GPBP1: variants seen among roughly 807,000 people sequenced by gnomAD.
The protein encoded by GPBP1 is GC-rich promoter binding protein 1, also known as vasculin.
GPBP1 carries 13 observed loss-of-function variants against 56.5 expected under a neutral mutation model. The ratio of observed to expected loss-of-function variants is 0.23; its 90% confidence interval spans 0.15 to 0.37. The LOEUF is 0.37. Ranked by LOEUF, GPBP1 falls within the 10% of genes least tolerant of loss-of-function variation. The pLI is 1.00. For synonymous variants in GPBP1, 204 were observed against 188.9 expected (o/e 1.08, Z -0.66); for missense variants, 477 against 572.3 (o/e 0.83, Z 1.70).
chr5:57,181,655 T>G (rs1480802289), intron 2 of GPBP1, among the ~76,000 whole-genome samples: 1 of 152,044 alleles, frequency 6.6e-6, no homozygotes, highest in African/African-American at 2.4e-5. Context: ...ACTCCTGACC[T>G]CAGGTGTTCT....
intron 3 of GPBP1, among the ~76,000 whole-genome samples, chr5:57,222,987 T>C (rs781099447): frequency 6.6e-6 from 1 of 152,344 alleles, no homozygotes; most frequent in East Asian, 1.9e-4. Context: ...AGTGTATTTC[T>C]TAGTGATTTA....
chr5:57,193,627 A>AAC (rs1754622700), intron 2 of GPBP1, among the ~76,000 whole-genome samples: 1 of 151,422 alleles, frequency 6.6e-6, no homozygotes, highest in African/African-American at 2.4e-5. Context: ...AAAAAAAAAA[A>AAC]AAAAAAAAAC....
At chr5:57,243,860 A>T (rs1015687363) in intron 6 of GPBP1, among the ~76,000 whole-genome samples, 4 of 150,426 alleles carry the variant, frequency 2.7e-5, no homozygotes, top group South Asian at 2.1e-4. Flanking sequence ...AATTGAAAAA[A>T]TTTTTTTTTG....
rs192359529 is a variant in GPBP1, at chr5:57,236,188, G to A, written c.478+156G>A. 3.8e-3 allele frequency among the ~76,000 whole-genome samples: 575 copies of A among 152,164 alleles called. 6 individuals carry two copies. Among genetic ancestry groups the A allele is most frequent in the African/African-American group, 0.013 (533 of 41,524 alleles). ...CTTAGCTACAAAAAAGGTAACATTCGTCTTTAAAAAGGAGGATTGGAATAG... is the reference window on the plus strand; with the variant it reads ...CTTAGCTACAAAAAAGGTAACATTCATCTTTAAAAAGGAGGATTGGAATAG... On this transcript the variant is annotated intron_variant, in intron 6 of 11. Transcript: ENST00000506184.
intron 3 of GPBP1, among the ~76,000 whole-genome samples, chr5:57,225,508 A>AAACC (rs1554069043): frequency 1.6e-5 from 2 of 123,632 alleles, no homozygotes; most frequent in East Asian, 2.7e-4. Context: ...AAAAAAAAAA[A>AAACC]AAACAAACTG....
At chr5:57,202,392 G>A (rs573518490) in intron 2 of GPBP1, among the ~76,000 whole-genome samples, 1 of 152,080 alleles carries the variant, frequency 6.6e-6, no homozygotes, top group Non-Finnish European at 1.5e-5. Flanking sequence ...AGGTTGAAGT[G>A]ATTCACCTGC....
At chr5:57,232,904 T>C (rs1305829140) in intron 5 of GPBP1, among the ~76,000 whole-genome samples, 1 of 152,230 alleles carries the variant, frequency 6.6e-6, no homozygotes, top group Non-Finnish European at 1.5e-5. Context: ...AACCTTGTTA[T>C]GTTTAAGGGA....
chr5:57,188,132 T>G (rs575216531), intron 2 of GPBP1, among the ~76,000 whole-genome samples: 1 of 151,268 alleles, frequency 6.6e-6, no homozygotes, highest in East Asian at 2.0e-4. Flanking sequence ...TAGTCCCAGC[T>G]ACACAGGAGG....
intron 2 of GPBP1, among the ~76,000 whole-genome samples, chr5:57,179,843 C>T (rs1579965927): frequency 6.6e-6 from 1 of 152,252 alleles, no homozygotes; most frequent in East Asian, 1.9e-4. Flanking sequence ...GATGTCTGTC[C>T]ACCTCTGCCT....
At chr5:57,259,911 C>G (rs1302331963) in intron 10 of GPBP1, among the ~76,000 whole-genome samples, 1 of 152,180 alleles carries the variant, frequency 6.6e-6, no homozygotes, top group Non-Finnish European at 1.5e-5. Flanking sequence ...GACCTTTGCT[C>G]TTGACTGGTC....
intron 2 of GPBP1, among the ~76,000 whole-genome samples, chr5:57,192,702 G>A (rs1349128012): frequency 7.1e-6 from 1 of 141,394 alleles, no homozygotes; most frequent in African/African-American, 2.7e-5. Context: ...GCGGTGAGCT[G>A]CGATCACGCC....
intron 2 of GPBP1, among the ~76,000 whole-genome samples, chr5:57,200,238 G>C (rs920922564): frequency 6.6e-6 from 1 of 150,912 alleles, no homozygotes; most frequent in African/African-American, 2.4e-5. Context: ...CAGGCAGGGA[G>C]AAACGGTGAT....
intron 5 of GPBP1, among the ~76,000 whole-genome samples, chr5:57,233,109 C>T (rs962172576): frequency 1.4e-4 from 21 of 152,190 alleles, no homozygotes; most frequent in Non-Finnish European, 1.9e-4. Flanking sequence ...AGGTCTTGAA[C>T]GGATTATAGC....
intron 10 of GPBP1, among the ~76,000 whole-genome samples, chr5:57,260,294 G>C (rs1326290330): frequency 1.3e-5 from 2 of 152,064 alleles, no homozygotes; most frequent in African/African-American, 4.8e-5. Flanking sequence ...TTCTGTGAGG[G>C]CTTCATCTTC....
chr5:57,223,247 C>T lies in GPBP1; in HGVS notation c.64-7599C>T, dbSNP rs186845942. Among the ~76,000 whole-genome samples the T allele has an allele frequency of 4.6e-5, 7 of 152,170 alleles. No homozygotes were observed. In the Middle Eastern group the frequency reaches 0.014, roughly 296 times the overall value. On this transcript the variant is annotated intron_variant, in intron 3 of 11. Coordinates refer to ENST00000506184, the MANE Select transcript of GPBP1 (RefSeq NM_022913.4). ...CCGGGACTACACGCGTGTGCCACCA[C>T]GCCCAGCTAATTTTTGTATTTTTAG...
At position 57,231,188 on chromosome 5, in the gene GPBP1, G is replaced by A. The variant is rs1756442449; in HGVS notation, c.278G>A (p.Gly93Glu). The A allele has an allele frequency of 6.2e-7, 1 of 1,614,020 alleles. No homozygotes were observed. Among genetic ancestry groups the A allele is most frequent in the Non-Finnish European group, 8.5e-7 (1 of 1,180,000 alleles). Residue 93 changes from glycine to glutamate, a missense_variant, in exon 5 of 12, where the codon GGA (glycine) becomes GAA (glutamate). Transcript: ENST00000506184. Reference sequence around the variant, plus strand: ...AATCATCGAGGTGGATACCATGGTGGAAGTTCCCGTTCTCGTAGCAGTATT... The same window carrying A: ...AATCATCGAGGTGGATACCATGGTGAAAGTTCCCGTTCTCGTAGCAGTATT... ...NINHRGGYHG[G>E]SSRSRSSIFH...
chr5:57,210,392 G>A (rs1392794182), intron 2 of GPBP1, among the ~76,000 whole-genome samples: 2 of 152,056 alleles, frequency 1.3e-5, no homozygotes, highest in African/African-American at 4.8e-5. Context: ...GTCCACATGG[G>A]ACCTTCAGAT....
intron 8 of GPBP1, among the ~76,000 whole-genome samples, chr5:57,248,236 A>G (rs974220270): frequency 4.6e-5 from 7 of 152,010 alleles, no homozygotes; most frequent in Non-Finnish European, 7.4e-5. Context: ...AAAGGTATGT[A>G]TTGTTACTGT....
At chr5:57,239,114 A>G (rs925419910) in intron 6 of GPBP1, among the ~76,000 whole-genome samples, 7 of 152,206 alleles carry the variant, frequency 4.6e-5, no homozygotes, top group African/African-American at 1.7e-4. Context: ...ATTGCTTTGT[A>G]TGTTGAAATG....
Sources: allele counts gnomAD v4.1 joint callset (sites outside exome capture counted in the v4.1 genomes callset), GRCh38; gene constraint gnomAD v4.1.1; transcripts MANE v1.5; gene names NCBI Gene and HGNC (gene_info 2026-07-23, HGNC 2026-07-21).